Variants in SPRY3 observed in about 807,000 individuals in gnomAD.
SPRY3 encodes the protein protein sprouty homolog 3.
Under a neutral mutation model 20.2 loss-of-function variants are expected in SPRY3, and 15 were observed. That is an observed-to-expected ratio of 0.74 (90% CI 0.50 to 1.14). The LOEUF (loss-of-function observed/expected upper bound fraction) is 1.14. Among genes scored for constraint, SPRY3 ranks in the 50% most tolerant of loss-of-function variants. SPRY3 has a pLI of 0.00. For missense variants in SPRY3, 364 were observed against 363.9 expected, an observed-to-expected ratio of 1.00 and a Z score of 0.00; for synonymous variants, 143 against 136.5, an observed-to-expected ratio of 1.05 and a Z score of -0.33.
chrX:155,730,082 A>G lies in SPRY3; in HGVS notation c.-281-37880A>G, dbSNP rs976240139. Among the ~76,000 whole-genome samples the G allele has an allele frequency of 1.8e-4, 27 of 152,116 alleles. 1 individual carries two copies. Among genetic ancestry groups the G allele is most frequent in the Admixed American group, 1.6e-3 (24 of 15,266 alleles). On this transcript the variant is annotated intron_variant, in intron 2 of 3. Coordinates refer to ENST00000675360, the Ensembl canonical transcript of SPRY3. ...CCAGCACAGAAATGCCTGGGACCCA[A>G]TGGCTTCACTGTTGAAATCTAAAAA...
intron 2 of SPRY3, among the ~76,000 whole-genome samples, chrX:155,738,085 T>C (rs1327097377): frequency 6.6e-6 from 1 of 152,130 alleles, no homozygotes; most frequent in Non-Finnish European, 1.5e-5. Context: ...GTAAAACATT[T>C]TTGGAAGTAA....
chrX:155,662,414 G>A (rs1200569247), intron 2 of SPRY3, among the ~76,000 whole-genome samples: 2 of 110,823 alleles, frequency 1.8e-5, no homozygotes, highest in Non-Finnish European at 3.8e-5. Context: ...ACTGCCTACT[G>A]TAGAGATAGG....
chrX:155,642,287 A>G (rs1021831953), intron 1 of SPRY3, among the ~76,000 whole-genome samples: 3 of 112,091 alleles, frequency 2.7e-5, no homozygotes, highest in Non-Finnish European at 5.6e-5. Flanking sequence ...ATAGTTGCTC[A>G]TAGTAGCCAC....
intron 2 of SPRY3, among the ~76,000 whole-genome samples, chrX:155,744,382 A>T (rs1775395161): frequency 6.6e-6 from 1 of 152,082 alleles, no homozygotes; most frequent in Admixed American, 6.6e-5. Flanking sequence ...GTGTAAAAGG[A>T]GGCAACTTGC....
chrX:155,774,183 A>C, exon 4 of SPRY3: 2 of 1,613,894 alleles, frequency 1.2e-6, no homozygotes, highest in Non-Finnish European at 1.7e-6. Context: ...CCAGCATTAC[A>C]CCCTCACCTT....
intron 2 of SPRY3, among the ~76,000 whole-genome samples, chrX:155,747,860 G>A (rs1284786867): frequency 4.6e-5 from 7 of 151,506 alleles, no homozygotes; most frequent in Admixed American, 6.6e-5. Context: ...ATTTCCAATC[G>A]GCCATGGACT....
chrX:155,735,092 T>C (rs2091159292), intron 2 of SPRY3, among the ~76,000 whole-genome samples: 1 of 151,992 alleles, frequency 6.6e-6, no homozygotes, highest in Non-Finnish European at 1.5e-5. Context: ...TTTTCTGAGA[T>C]TTTATTTTTG....
At chrX:155,636,893 A>G (rs781942074) in intron 1 of SPRY3, among the ~76,000 whole-genome samples, 96 of 108,672 alleles carry the variant, frequency 8.8e-4, no homozygotes, top group African/African-American at 3.1e-3. Flanking sequence ...TGGGACATGG[A>G]TGAAATTGGA....
chrX:155,767,277 T>C (rs1165333287), intron 2 of SPRY3, among the ~76,000 whole-genome samples: 1 of 151,522 alleles, frequency 6.6e-6, no homozygotes, highest in Non-Finnish European at 1.5e-5. Context: ...ATCCCTTCTT[T>C]CCCATCCTCC....
At chrX:155,767,738 G>GAGGAGGAGGAGAA (rs1569400056) in intron 2 of SPRY3, 1 of 57,268 alleles carries the variant, frequency 1.7e-5, no homozygotes, top group African/African-American at 6.8e-5. Context: ...GAGGAGGAGA[G>GAGGAGGAGGAGAA]AGAGGAGGAG....
chrX:155,711,501 CT>C (rs34441616), intron 2 of SPRY3, among the ~76,000 whole-genome samples: 38,721 of 151,170 alleles, frequency 0.26, 5,249 homozygotes, highest in African/African-American at 0.42. Flanking sequence ...GTTGCTATGT[CT>C]TTGTGTTTCA....
At chrX:155,729,044 T>G (rs1269909120) in intron 2 of SPRY3, among the ~76,000 whole-genome samples, 1 of 152,014 alleles carries the variant, frequency 6.6e-6, no homozygotes, top group African/African-American at 2.4e-5. Context: ...ATATACACAG[T>G]CAAAACTGGA....
intron 1 of SPRY3, among the ~76,000 whole-genome samples, chrX:155,655,880 A>G (rs1198720106): frequency 8.9e-6 from 1 of 112,093 alleles, no homozygotes; most frequent in African/African-American, 3.2e-5. Flanking sequence ...GTTTGGCTGG[A>G]TATGAAATTC....
At chrX:155,697,350 C>T (rs1238486601) in intron 2 of SPRY3, among the ~76,000 whole-genome samples, 1 of 110,051 alleles carries the variant, frequency 9.1e-6, no homozygotes, top group African/African-American at 3.3e-5. Context: ...GAAGTTACAG[C>T]CTCCTTTCTC....
At chrX:155,624,357 A>G (rs781849398) in intron 1 of SPRY3, among the ~76,000 whole-genome samples, 1 of 112,346 alleles carries the variant, frequency 8.9e-6, no homozygotes, top group South Asian at 3.6e-4. Flanking sequence ...AAATTGTTAT[A>G]CAAATAATGT....
intron 2 of SPRY3, among the ~76,000 whole-genome samples, chrX:155,665,415 C>T (rs945838958): frequency 2.7e-5 from 3 of 110,622 alleles, no homozygotes; most frequent in South Asian, 3.8e-4. Flanking sequence ...TCATTGCAAA[C>T]GATTTGAATA....
intron 2 of SPRY3, among the ~76,000 whole-genome samples, chrX:155,690,719 C>G (rs1316452921): frequency 1.2e-5 from 1 of 86,880 alleles, no homozygotes; most frequent in Non-Finnish European, 2.1e-5. Context: ...TTCAAAAAGA[C>G]TTAGACTCCC....
At chrX:155,731,870 A>C (rs1454114026) in intron 2 of SPRY3, among the ~76,000 whole-genome samples, 2 of 152,090 alleles carry the variant, frequency 1.3e-5, no homozygotes, top group Non-Finnish European at 2.9e-5. Flanking sequence ...ACTTGCCAAC[A>C]GTGCTTGCAA....
intron 2 of SPRY3, among the ~76,000 whole-genome samples, chrX:155,755,224 T>C (rs2091279601): frequency 6.7e-6 from 1 of 149,562 alleles, no homozygotes; most frequent in African/African-American, 2.6e-5. Flanking sequence ...CATCCCAGTT[T>C]AATCTTTTAC....
Sources: gnomAD v4.1 joint callset for allele counts (sites outside exome capture counted in the v4.1 genomes callset) on GRCh38, gnomAD v4.1.1 for gene constraint, MANE v1.5 for transcripts, NCBI Gene and HGNC (gene_info 2026-07-23, HGNC 2026-07-21) for gene names.